Variants in U2AF2 observed in about 807,000 individuals in gnomAD.
The protein encoded by U2AF2 is U2 small nuclear RNA auxiliary factor 2, also known as splicing factor U2AF 65 kDa subunit.
In U2AF2, 6 loss-of-function variants were observed where a neutral mutation model predicts 52.6. That is an observed-to-expected ratio of 0.11 (90% confidence interval 0.06 to 0.23). The LOEUF (loss-of-function observed/expected upper bound fraction) is 0.23, where lower values mean the gene tolerates loss of function less well. Among genes scored for constraint, U2AF2 ranks in the 10% least tolerant of loss-of-function variants. U2AF2 has a pLI of 1.00. For missense variants in U2AF2, 222 were observed against 677.1 expected (o/e 0.33, Z 7.46); for synonymous variants, 284 against 258.2 (o/e 1.10, Z -0.96).
Position 55,669,650 on chromosome 19 carries a change from C to A in U2AF2, c.1251C>A (p.Ile417=). The A allele has an allele frequency of 1.2e-6, 2 of 1,612,366 alleles. No individual in the cohort carries two copies. Among genetic ancestry groups the A allele is most frequent in the Non-Finnish European group, 1.7e-6 (2 of 1,179,520 alleles). ...SKYGLVKSIE[I]PRPVDGVEVP... ...ACGGGCTTGTCAAGTCCATCGAGATCCCCCGGCCTGTGGACGGCGTCGAGG... is the reference window on the plus strand; with the variant it reads ...ACGGGCTTGTCAAGTCCATCGAGATACCCCGGCCTGTGGACGGCGTCGAGG... The change falls in exon 11 of 12, where the codon ATC becomes ATA. Residue 417 remains isoleucine (I), a synonymous_variant. Coordinates refer to ENST00000308924, the MANE Select transcript of U2AF2 (RefSeq NM_007279.3).
At position 55,668,967 on chromosome 19, in the gene U2AF2, C is replaced by G. The variant is rs1245964463; in HGVS notation, c.946-116C>G. 2 of 1,478,924 alleles carry G rather than the reference C, an allele frequency of 1.4e-6. No individual in the cohort carries two copies. The highest frequency in any genetic ancestry group is 1.8e-6 in the Non-Finnish European group (2 of 1,095,260). The allele number at this position is 1,478,924 out of a possible 1,614,324, so 91.6% of individuals were successfully genotyped here. The stretch of plus-strand genomic sequence containing the variant: ...GTTGGCTTTTTCCAGGCTCTTAATC[C>G]CCTTTGCCTTCCCCTCTTCCCCCAC... On this transcript the variant is annotated intron_variant, in intron 9 of 11. Coordinates refer to ENST00000308924, the MANE Select transcript of U2AF2 (RefSeq NM_007279.3). The surrounding 1 kb of genome is among the most constrained non-coding windows in gnomAD (Gnocchi z 5.5).
chr19:55,659,025 T>C, intron 1 of U2AF2, 185 bp from the exon 2 acceptor site: 4 of 921,800 alleles, frequency 4.3e-6, no homozygotes, highest in Non-Finnish European at 5.8e-6. Flanking sequence ...GTCCCCCTGG[T>C]CCCCTCATGG....
intron 11 of U2AF2, chr19:55,670,649 A>G: frequency 4.1e-6 from 1 of 246,628 alleles, no homozygotes; most frequent in Non-Finnish European, 8.1e-6. Flanking sequence ...AAGAGGTGGC[A>G]GTGAGCAGGT....
At position 55,660,160 on chromosome 19, in the gene U2AF2, T is replaced by TGC; in HGVS notation, c.186-17_186-16insGC. On this transcript the variant is annotated splice_polypyrimidine_tract_variant and intron_variant, in intron 2 of 11. Transcript: ENST00000308924. Reference sequence around the variant, plus strand: ...CCCCAGTCACCCCTCCCCATACCTTTCCCTCCCACCCCCCAGCAAACCTTT... The same window carrying TGC: ...CCCCAGTCACCCCTCCCCATACCTTTGCCCCTCCCACCCCCCAGCAAACCTTT... 6.3e-7 allele frequency: 1 copy of TGC among 1,595,010 alleles called. No homozygotes were observed. Among genetic ancestry groups the TGC allele is most frequent in the Non-Finnish European group, 8.6e-7 (1 of 1,167,826 alleles).
At position 55,668,553 on chromosome 19, in the gene U2AF2, C is replaced by T. The variant is rs80011152; in HGVS notation, c.789C>T (p.Ile263=). The T allele has an allele frequency of 1.9e-3, 3,052 of 1,608,366 alleles. 53 individuals are homozygous for T. The African/African-American group carries it at 0.036, about 19-fold the overall frequency. Residue 263 remains isoleucine, a synonymous_variant, in exon 8 of 12, where the codon ATC becomes ATT. Coordinates refer to ENST00000308924, the MANE Select transcript of U2AF2 (RefSeq NM_007279.3). This position sits in a 1 kb window ranked among gnomAD's most constrained non-coding sequence, Gnocchi z 5.5. ...VVPDSAHKLF[I]GGLPNYLNDD... is the part of the protein sequence containing the mutation. ...CCGACTCTGCCCACAAGCTGTTCAT[C>T]GGGGGCTTACCCAACTACCTGAACG...
intron 2 of U2AF2, among the ~76,000 whole-genome samples, 157 bp from the exon 3 acceptor site, chr19:55,660,019 TG>T (rs986835215): frequency 6.6e-6 from 1 of 151,798 alleles, no homozygotes; most frequent in African/African-American, 2.4e-5. Flanking sequence ...TGGGAGTGTT[TG>T]GGGGGAAATG....
intron 7 of U2AF2, among the ~76,000 whole-genome samples, chr19:55,666,900 G>T (rs1323814589): frequency 6.6e-6 from 1 of 152,220 alleles, no homozygotes; most frequent in African/African-American, 2.4e-5. Flanking sequence ...GGCTCTGGAG[G>T]CTGCCTTTTT....
chr19:55,659,465 C>T (rs1984019251), intron 2 of U2AF2, 120 bp downstream of exon 2: 6 of 1,255,474 alleles, frequency 4.8e-6, no homozygotes, highest in African/African-American at 1.6e-5. Context: ...CTCGTTCGTT[C>T]TTTGTGTGGA....
chr19:55,666,083 G>T (rs898468981), intron 7 of U2AF2, among the ~76,000 whole-genome samples: 2 of 152,222 alleles, frequency 1.3e-5, no homozygotes, highest in Non-Finnish European at 1.5e-5. Context: ...TCTCTTACCA[G>T]GCTGAGGAGC....
intron 11 of U2AF2, 107 bp downstream of exon 11, chr19:55,669,799 G>T (rs1006735556): frequency 1.3e-5 from 19 of 1,431,032 alleles, no homozygotes; most frequent in Middle Eastern, 2.6e-4. Context: ...CCTCTTCTCC[G>T]CGCGCTCTTT....
chr19:55,661,665 C>G (rs1230291223), intron 5 of U2AF2: 2 of 160,266 alleles, frequency 1.2e-5, no homozygotes, highest in African/African-American at 4.8e-5. Context: ...CCCCTGACCT[C>G]CCCCTTCCCC....
In U2AF2 at chr19:55,668,077, C is replaced by T. The variant is rs536059896; in HGVS notation, c.743-430C>T. 1.2e-4 allele frequency among the ~76,000 whole-genome samples: 18 copies of T among 152,072 alleles called. No homozygotes were observed. Among genetic ancestry groups the T allele is most frequent in the African/African-American group, 4.3e-4 (18 of 41,504 alleles). ...GATTACAGGCGTGAGCCCCCGCGCC[C>T]GGCCGGGACTGAGCTTTAATGGGAG... is the stretch of plus-strand genomic sequence containing the variant. On this transcript the variant is annotated intron_variant, in intron 7 of 11. Coordinates refer to ENST00000308924, the MANE Select transcript of U2AF2 (RefSeq NM_007279.3). The surrounding 1 kb of genome is among the most constrained non-coding windows in gnomAD (Gnocchi z 5.5).
intron 11 of U2AF2, among the ~76,000 whole-genome samples, chr19:55,669,955 G>C (rs1984787308): frequency 6.6e-6 from 1 of 152,202 alleles, no homozygotes; most frequent in African/African-American, 2.4e-5. Flanking sequence ...CGAGACAGTA[G>C]TTGGGGAATG....
intron 1 of U2AF2, among the ~76,000 whole-genome samples, chr19:55,657,957 G>A (rs920241763): frequency 1.3e-5 from 2 of 152,280 alleles, no homozygotes; most frequent in Middle Eastern, 3.4e-3. Context: ...TACAGATTCC[G>A]GTTGTAGGAA....
Position 55,655,044 on chromosome 19 carries a change from G to T in U2AF2, c.-61G>T. Reference sequence around the variant, plus strand: ...AGCCAGCGGCGGAAGTAGCCGAAGCGGCTGGAGCGGGCGGCAAGGCGAGGC... The same window carrying T: ...AGCCAGCGGCGGAAGTAGCCGAAGCTGCTGGAGCGGGCGGCAAGGCGAGGC... On this transcript the variant is annotated 5_prime_UTR_variant, in exon 1 of 12. Transcript: ENST00000308924. The T allele has an allele frequency of 6.3e-7, 1 of 1,593,908 alleles. No homozygotes were observed. Among genetic ancestry groups the T allele is most frequent in the South Asian group, 1.1e-5 (1 of 89,830 alleles).
rs368747305 is a variant in U2AF2, at chr19:55,668,439, G to A, written c.743-68G>A. ...CTCTTTGGCAATTGAGGAGCTCGCC[G>A]TAGACTGTCCAGGTTTTGGGAGATA... On this transcript the variant is annotated intron_variant, in intron 7 of 11. Coordinates refer to ENST00000308924, the MANE Select transcript of U2AF2 (RefSeq NM_007279.3). The surrounding 1 kb of genome is among the most constrained non-coding windows in gnomAD (Gnocchi z 5.5). 4.0e-5 allele frequency: 59 copies of A among 1,465,346 alleles called. 1 individual carries two copies. In the African/African-American group the frequency reaches 4.9e-4, roughly 12 times the overall value. 90.8% of individuals were successfully genotyped at this position (1,465,346 alleles called of 1,614,324 possible). A position where few individuals can be genotyped will look rare whatever the true frequency, so the allele number is the denominator to read the frequency against.
chr19:55,661,005 TG>T, intron 4 of U2AF2, 32 bp from the exon 5 acceptor site: 1 of 1,551,154 alleles, frequency 6.4e-7, no homozygotes, highest in Non-Finnish European at 8.8e-7. Flanking sequence ...ATTCCCCTGA[TG>T]GGGTTTTATC....
chr19:55,668,934 C>T lies in U2AF2; in HGVS notation c.945+142C>T. On this transcript the variant is annotated intron_variant, in intron 9 of 11. Transcript: ENST00000308924. The surrounding 1 kb of genome is among the most constrained non-coding windows in gnomAD (Gnocchi z 5.5). ...GCCCTGTGTGTGGGCTCGTCCCTGT[C>T]CCATGGCGTTGGCTTTTTCCAGGCT... 16 of 1,502,668 alleles carry T rather than the reference C, an allele frequency of 1.1e-5. No homozygotes were observed. The highest frequency in any genetic ancestry group is 1.4e-5 in the Non-Finnish European group (16 of 1,116,178). 93.1% of individuals were successfully genotyped at this position (1,502,668 alleles called of 1,614,324 possible). A position where few individuals can be genotyped will look rare whatever the true frequency, so the allele number is the denominator to read the frequency against.
In U2AF2 at chr19:55,659,192, C is replaced by T. The variant is rs755494185; in HGVS notation, c.50-18C>T. 23 of 1,540,814 alleles carry T rather than the reference C, an allele frequency of 1.5e-5. No individual in the cohort carries two copies. Among genetic ancestry groups the T allele is most frequent in the Non-Finnish European group, 1.8e-5 (20 of 1,139,308 alleles). ...CTTACTCCGCTTATCCCGTGCCCCT[C>T]CTCTCACCCTTGCCCAGAGCGGGAC... is the stretch of plus-strand genomic sequence containing the variant. On this transcript the variant is annotated intron_variant, in intron 1 of 11. Coordinates refer to ENST00000308924, the MANE Select transcript of U2AF2 (RefSeq NM_007279.3).
Sources: allele counts gnomAD v4.1 joint callset (sites outside exome capture counted in the v4.1 genomes callset), GRCh38; gene constraint gnomAD v4.1.1; non-coding constraint Gnocchi (gnomAD v3.1); transcripts MANE v1.5; gene names NCBI Gene and HGNC (gene_info 2026-07-23, HGNC 2026-07-21).